The following AOPEP variants were observed in gnomAD, a reference collection of about 807,000 sequenced individuals.
AOPEP encodes the protein aminopeptidase O.
AOPEP carries 77 observed loss-of-function variants against 98.1 expected under a neutral mutation model. The ratio of observed to expected loss-of-function variants is 0.78; its 90% CI spans 0.65 to 0.95. The LOEUF (loss-of-function observed/expected upper bound fraction) is 0.95, where lower values mean the gene tolerates loss of function less well. Among genes scored for constraint, AOPEP ranks in the 40% least tolerant of loss-of-function variants. AOPEP has a pLI of 0.00. For synonymous variants in AOPEP, 346 were observed against 365.3 expected (o/e 0.95, Z 0.60); for missense variants, 1,024 against 1,024.7 (o/e 1.00, Z 0.01).
chr9:94,937,470 T>C (rs2056441717), intron 7 of AOPEP, among the ~76,000 whole-genome samples: 1 of 152,176 alleles, frequency 6.6e-6, no homozygotes, highest in South Asian at 2.1e-4. Flanking sequence ...AACCACCCCT[T>C]GAAGCCCTCA....
At chr9:94,869,633 CT>C (rs1228410346) in intron 5 of AOPEP, among the ~76,000 whole-genome samples, 3 of 152,162 alleles carry the variant, frequency 2.0e-5, no homozygotes, top group Non-Finnish European at 2.9e-5. Context: ...GACCATTTAC[CT>C]TCAAATGAAA....
At chr9:94,841,508 T>C (rs1263450348) in intron 5 of AOPEP, among the ~76,000 whole-genome samples, 2 of 152,174 alleles carry the variant, frequency 1.3e-5, no homozygotes, top group Non-Finnish European at 2.9e-5. Context: ...GTTCCGTTTT[T>C]ATTCACTTTG....
intron 10 of AOPEP, 134 bp from the exon 11 acceptor site, chr9:94,979,233 G>A (rs1285427755): frequency 1.2e-5 from 7 of 583,854 alleles, no homozygotes; most frequent in South Asian, 9.2e-5. Flanking sequence ...CCAGGGGAGC[G>A]CTGCCCTTTC....
chr9:94,759,657 A>G lies in AOPEP; in HGVS notation c.-127A>G, dbSNP rs1290185064. The stretch of plus-strand genomic sequence containing the variant: ...CTTTCCTTTTTTGCCAGGAGACTGA[A>G]AGGAACCATAATTTGTGACATCAGT... On this transcript the variant is annotated 5_prime_UTR_variant, in exon 2 of 17. Transcript: ENST00000375315. The G allele has an allele frequency of 1.3e-6, 1 of 766,604 alleles. No homozygotes were observed. Among genetic ancestry groups the G allele is most frequent in the African/African-American group, 1.8e-5 (1 of 56,894 alleles). The allele number at this position is 766,604 out of a possible 1,614,324, so 47.5% of individuals were successfully genotyped here. A position where few individuals can be genotyped will look rare whatever the true frequency, so the allele number is the denominator to read the frequency against.
chr9:94,992,500 G>C (rs994067545), intron 11 of AOPEP, among the ~76,000 whole-genome samples: 2 of 152,242 alleles, frequency 1.3e-5, no homozygotes, highest in Non-Finnish European at 2.9e-5. Context: ...AGGCTGGGTA[G>C]AGGAGGAAAG....
chr9:94,908,645 G>A (rs1414094817), intron 5 of AOPEP, among the ~76,000 whole-genome samples: 3 of 152,144 alleles, frequency 2.0e-5, no homozygotes, highest in Admixed American at 6.5e-5. Flanking sequence ...TTATCAAGAA[G>A]ACAGTGACCA....
the AOPEP span, among the ~76,000 whole-genome samples, chr9:95,138,221 T>C: frequency 6.6e-6 from 1 of 152,162 alleles, no homozygotes; most frequent in Non-Finnish European, 1.5e-5. Context: ...CGGCTGAGGT[T>C]GGAGTGAGTA....
intron 13 of AOPEP, among the ~76,000 whole-genome samples, chr9:95,058,249 A>G (rs2067004831): frequency 6.6e-6 from 1 of 152,208 alleles, no homozygotes; most frequent in Non-Finnish European, 1.5e-5. Flanking sequence ...GGACCAAGCT[A>G]GTTGTCTTAC....
intron 11 of AOPEP, among the ~76,000 whole-genome samples, chr9:94,984,626 A>C (rs2138838990): frequency 6.6e-6 from 1 of 152,358 alleles, no homozygotes; most frequent in Non-Finnish European, 1.5e-5. Context: ...ATTGCAACTC[A>C]ATGTATATAC....
chr9:94,870,245 CT>C (rs1255107419), intron 5 of AOPEP, among the ~76,000 whole-genome samples: 3 of 152,148 alleles, frequency 2.0e-5, no homozygotes, highest in Non-Finnish European at 4.4e-5. Context: ...CCGCCTCCGC[CT>C]CCCAAAGTGT....
chr9:95,099,038 T>G, the AOPEP span: 3 of 181,552 alleles, frequency 1.7e-5, no homozygotes, highest in Non-Finnish European at 3.5e-5. Flanking sequence ...GATTGTAATA[T>G]TTAATGGATA....
At chr9:94,860,800 A>C (rs775389314) in intron 5 of AOPEP, among the ~76,000 whole-genome samples, 3 of 152,166 alleles carry the variant, frequency 2.0e-5, no homozygotes, top group Non-Finnish European at 4.4e-5. Flanking sequence ...AGGTTTAAGA[A>C]GCCACTTAGC....
chr9:94,947,110 G>A (rs1410806278), intron 7 of AOPEP, among the ~76,000 whole-genome samples: 1 of 151,310 alleles, frequency 6.6e-6, no homozygotes, highest in Non-Finnish European at 1.5e-5. Context: ...CCGAGTAGCT[G>A]GGACTACAGG....
chr9:94,996,290 A>G (rs1217499362), intron 11 of AOPEP, among the ~76,000 whole-genome samples: 1 of 151,366 alleles, frequency 6.6e-6, no homozygotes, highest in African/African-American at 2.4e-5. Context: ...TTTCTCTCAT[A>G]TCTTATTTAT....
At chr9:95,030,649 C>A (rs901600507) in intron 13 of AOPEP, among the ~76,000 whole-genome samples, 2 of 152,190 alleles carry the variant, frequency 1.3e-5, no homozygotes, top group African/African-American at 4.8e-5. Context: ...TAAAAACTGG[C>A]AGCAGCCATC....
chr9:94,879,303 C>T (rs534006223), intron 5 of AOPEP, among the ~76,000 whole-genome samples: 31 of 152,200 alleles, frequency 2.0e-4, no homozygotes, highest in African/African-American at 7.5e-4. Context: ...CTAAGTAATT[C>T]CCAAAGTTAG....
intron 7 of AOPEP, among the ~76,000 whole-genome samples, chr9:94,943,938 A>AC (rs2057331871): frequency 1.3e-5 from 2 of 150,788 alleles, no homozygotes; most frequent in African/African-American, 2.5e-5. Context: ...AAAAAAAAAA[A>AC]AAAAAAAAAC....
rs568916099 is a variant in AOPEP at position 94,818,434 on chromosome 9, A to G, written c.1364+17432A>G. On this transcript the variant is annotated intron_variant, in intron 5 of 16. Coordinates refer to ENST00000375315, the MANE Select transcript of AOPEP (RefSeq NM_001193329.3). ...AGGTATGGTGACTTAGCATGGTAGT[A>G]TGACAATATGAAAGGTTTGTTACAG... Among the ~76,000 whole-genome samples the G allele has an allele frequency of 3.9e-5, 6 of 152,362 alleles. 1 individual carries two copies. In the South Asian group the frequency reaches 1.2e-3, roughly 32 times the overall value.
intron 11 of AOPEP, among the ~76,000 whole-genome samples, chr9:94,985,360 G>A (rs988985245): frequency 1.3e-5 from 2 of 152,218 alleles, no homozygotes; most frequent in African/African-American, 4.8e-5. Flanking sequence ...GTCTTGTAGG[G>A]AAAATGCTGC....
Sources: allele counts gnomAD v4.1 joint callset (sites outside exome capture counted in the v4.1 genomes callset), GRCh38; gene constraint gnomAD v4.1.1; transcripts MANE v1.5; gene names NCBI Gene and HGNC (gene_info 2026-07-23, HGNC 2026-07-21).